Variants in PTPN9 observed in about 807,000 individuals in gnomAD.
PTPN9 encodes protein tyrosine phosphatase non-receptor type 9.
Under a neutral mutation model 69.8 loss-of-function variants are expected in PTPN9, and 26 were observed. That is an observed-to-expected ratio of 0.37 (90% CI 0.27 to 0.52). PTPN9 has a LOEUF of 0.52. PTPN9 is among the 20% of genes least tolerant of loss of function. The pLI is 0.91. For missense variants in PTPN9, 549 were observed against 740.3 expected (o/e 0.74, Z 3.00); for synonymous variants, 274 against 272.5 (o/e 1.01, Z -0.05).
chr15:75,510,018 A>T (rs955513099), intron 5 of PTPN9, among the ~76,000 whole-genome samples: 17 of 152,196 alleles, frequency 1.1e-4, no homozygotes, highest in African/African-American at 3.9e-4. Flanking sequence ...AAATTTAAAA[A>T]TTTTAAAAAT....
At chr15:75,548,104 G>A (rs1427957129) in intron 1 of PTPN9, among the ~76,000 whole-genome samples, 1 of 152,078 alleles carries the variant, frequency 6.6e-6, no homozygotes, top group Non-Finnish European at 1.5e-5. Flanking sequence ...GAACTGTTAG[G>A]TAACTTGTCC....
At chr15:75,530,295 G>A (rs557437635) in intron 1 of PTPN9, among the ~76,000 whole-genome samples, 65 of 140,828 alleles carry the variant, frequency 4.6e-4, no homozygotes, top group Non-Finnish European at 8.3e-4. Context: ...CTAGCACTCC[G>A]GGAGGCCAAG....
chr15:75,549,280 A>C (rs2075046791), intron 1 of PTPN9, among the ~76,000 whole-genome samples: 2 of 152,108 alleles, frequency 1.3e-5, no homozygotes, highest in African/African-American at 4.8e-5. Flanking sequence ...GGCTCACTGC[A>C]GTCTTGACCT....
At chr15:75,534,100 G>A (rs2074973484) in intron 1 of PTPN9, among the ~76,000 whole-genome samples, 1 of 152,158 alleles carries the variant, frequency 6.6e-6, no homozygotes. Flanking sequence ...TCACTACTGT[G>A]TGTTATTTGG....
In PTPN9 at chr15:75,486,055, G is replaced by C. The variant is rs370649689; in HGVS notation, c.1062+4153C>G. Among the ~76,000 whole-genome samples, 4 of 139,380 alleles carry C rather than the reference G, an allele frequency of 2.9e-5. No homozygotes were observed. In the East Asian group the frequency reaches 6.6e-4, roughly 23 times the overall value. The allele number at this position is 139,380 out of a possible 152,430, so 91.4% of individuals were successfully genotyped here. On this transcript the variant is annotated intron_variant, in intron 8 of 12. Coordinates refer to ENST00000618819, the MANE Select transcript of PTPN9 (RefSeq NM_002833.4). ...GTGGAGGTTGCAGTGAGCCGAGATC[G>C]CACCACTGCACTCCAGCCTGGGCGA...
chr15:75,548,051 A>T (rs1294132104), intron 1 of PTPN9, among the ~76,000 whole-genome samples: 1 of 152,076 alleles, frequency 6.6e-6, no homozygotes, highest in Non-Finnish European at 1.5e-5. Flanking sequence ...TTAAAGATTG[A>T]TACTATTATT....
chr15:75,492,514 C>A (rs1361406556), intron 7 of PTPN9, among the ~76,000 whole-genome samples: 3 of 152,078 alleles, frequency 2.0e-5, no homozygotes, highest in African/African-American at 7.2e-5. Context: ...TAGTGAAAAT[C>A]CCTGACCCAT....
chr15:75,524,736 C>G (rs186729370), intron 2 of PTPN9, among the ~76,000 whole-genome samples: 6 of 138,696 alleles, frequency 4.3e-5, no homozygotes, highest in Admixed American at 1.6e-4. Context: ...CAAGACAGCA[C>G]CACTGCACTC....
At position 75,467,584 on chromosome 15, in the gene PTPN9, C is replaced by T. The variant is rs1486015564; in HGVS notation, c.*1185G>A. Reference sequence around the variant, plus strand: ...AGCAGGCAGGAAGAGATGGGCATCTCGGTAGACAGGGCCAAGCTGCATAAA... The same window carrying T: ...AGCAGGCAGGAAGAGATGGGCATCTTGGTAGACAGGGCCAAGCTGCATAAA... On this transcript the variant is annotated 3_prime_UTR_variant, in exon 13 of 13. Transcript: ENST00000618819. 5 of 152,536 alleles carry T rather than the reference C, an allele frequency of 3.3e-5. No homozygotes were observed. The highest frequency in any genetic ancestry group is 1.9e-4 in the East Asian group (1 of 5,180). The allele number at this position is 152,536 out of a possible 1,614,324, so 9.4% of individuals were successfully genotyped here.
chr15:75,473,024 C>G (rs950164282), intron 10 of PTPN9, among the ~76,000 whole-genome samples: 4 of 151,876 alleles, frequency 2.6e-5, no homozygotes, highest in African/African-American at 7.3e-5. Flanking sequence ...GAAGGCAGCA[C>G]CCCTCTGGAA....
chr15:75,495,510 C>T (rs759362864), intron 7 of PTPN9, among the ~76,000 whole-genome samples: 8 of 151,878 alleles, frequency 5.3e-5, no homozygotes, highest in Non-Finnish European at 1.2e-4. Flanking sequence ...GTCAGGAGTT[C>T]GAAACCAGCC....
At chr15:75,480,731 G>C (rs966504356) in intron 8 of PTPN9, 5 of 1,303,282 alleles carry the variant, frequency 3.8e-6, no homozygotes, top group African/African-American at 3.2e-5. Flanking sequence ...GGAGTTCAGC[G>C]GGCAGCGGAG....
intron 1 of PTPN9, among the ~76,000 whole-genome samples, chr15:75,564,506 G>T (rs2075118421): frequency 6.6e-6 from 1 of 151,324 alleles, no homozygotes; most frequent in African/African-American, 2.4e-5. Flanking sequence ...TGAGGCAGGA[G>T]AATGGCGTGA....
At chr15:75,558,424 T>G (rs1313225329) in intron 1 of PTPN9, among the ~76,000 whole-genome samples, 1 of 152,126 alleles carries the variant, frequency 6.6e-6, no homozygotes, top group Non-Finnish European at 1.5e-5. Flanking sequence ...CGAGAACTGC[T>G]TGAACCTGGG....
intron 8 of PTPN9, among the ~76,000 whole-genome samples, chr15:75,488,727 A>C (rs2074692867): frequency 1.3e-5 from 2 of 152,112 alleles, no homozygotes; most frequent in South Asian, 2.1e-4. Context: ...CCAGGAGTTC[A>C]AGGGTGCAGT....
At chr15:75,503,535 G>A (rs2074787905) in intron 7 of PTPN9, among the ~76,000 whole-genome samples, 1 of 118,878 alleles carries the variant, frequency 8.4e-6, no homozygotes, top group African/African-American at 3.1e-5. Context: ...GCCCCGTCCG[G>A]GAGGGAGGTG....
chr15:75,562,688 C>T lies in PTPN9; in HGVS notation c.63+16026G>A, dbSNP rs915260247. Among the ~76,000 whole-genome samples the T allele has an allele frequency of 4.7e-5, 7 of 147,856 alleles. No homozygotes were observed. In the East Asian group the frequency reaches 6.2e-4, roughly 13 times the overall value. On this transcript the variant is annotated intron_variant, in intron 1 of 12. Transcript: ENST00000618819. ...CTACTAAAAAATACAAAAAATTAGCCGGGTGTGGTGGCGGGCGCCCGTAGT... is the reference window on the plus strand; with the variant it reads ...CTACTAAAAAATACAAAAAATTAGCTGGGTGTGGTGGCGGGCGCCCGTAGT...
At chr15:75,504,463 C>T (rs1463335629) in intron 7 of PTPN9, among the ~76,000 whole-genome samples, 38 of 126,324 alleles carry the variant, frequency 3.0e-4, no homozygotes, top group Admixed American at 4.6e-4. Context: ...GCCAGCCGCC[C>T]GGTCCGGGAG....
chr15:75,468,870 G>C lies in PTPN9; in HGVS notation c.1681C>G (p.Pro561Ala). ...RTQRAFSIQT[P>A]EQYYFCYKAI... is the part of the protein sequence containing the mutation. ...TTGTAGCAAAAATAGTACTGCTCAGGGGTCTGGATGCTGAAGGCCCTCTGG... is the reference window on the plus strand; with the variant it reads ...TTGTAGCAAAAATAGTACTGCTCAGCGGTCTGGATGCTGAAGGCCCTCTGG... The change falls in exon 13 of 13, where the codon CCT becomes GCT. Residue 561 changes from proline (P) to alanine (A), a missense_variant. Pro to Ala is a conservative substitution (Grantham distance 27, BLOSUM62 -1). Transcript: ENST00000618819. 1 of 1,614,176 alleles carries C rather than the reference G, an allele frequency of 6.2e-7. No homozygotes were observed. Among genetic ancestry groups the C allele is most frequent in the Non-Finnish European group, 8.5e-7 (1 of 1,180,026 alleles).
Sources: gnomAD v4.1 joint callset for allele counts (sites outside exome capture counted in the v4.1 genomes callset) on GRCh38, gnomAD v4.1.1 for gene constraint, MANE v1.5 for transcripts, NCBI Gene and HGNC (gene_info 2026-07-23, HGNC 2026-07-21) for gene names.